Variants in ISM1 observed in about 807,000 individuals in gnomAD.
ISM1 encodes isthmin-1.
In ISM1, 25 loss-of-function variants were observed where a neutral mutation model predicts 46.3. The ratio of observed to expected loss-of-function variants is 0.54; its 90% CI spans 0.39 to 0.75. The LOEUF (loss-of-function observed/expected upper bound fraction) is 0.75. ISM1 is among the 30% of genes least tolerant of loss of function. The pLI, the probability that ISM1 is intolerant of heterozygous loss-of-function variation, is 0.00. For synonymous variants in ISM1, 255 were observed against 256.7 expected (o/e 0.99, Z 0.06); for missense variants, 536 against 625.4 (o/e 0.86, Z 1.52).
chr20:13,316,940 T>C, the ISM1 span, among the ~76,000 whole-genome samples: 1 of 150,294 alleles, frequency 6.7e-6, no homozygotes, highest in Non-Finnish European at 1.5e-5. Context: ...TCTAATGCAA[T>C]AAGACAAGAA....
chr20:13,299,385 A>C lies in ISM1; in HGVS notation c.1321A>C (p.Asn441His). The change falls in exon 6 of 6, where the codon AAC becomes CAC. Residue 441 changes from asparagine (N) to histidine (H), a missense_variant. Asn to His is a moderately conservative substitution (Grantham distance 68). Coordinates refer to ENST00000262487, the MANE Select transcript of ISM1 (RefSeq NM_080826.2). The surrounding 1 kb of genome is among the most constrained non-coding windows in gnomAD (Gnocchi z 5.8). Reference sequence around the variant, plus strand: ...GTATAACGAGGCCCGGCCTCCCAACAACGGACAGAAGTGCACAGAGAGCCC... The same window carrying C: ...GTATAACGAGGCCCGGCCTCCCAACCACGGACAGAAGTGCACAGAGAGCCC... ...SRYNEARPPN[N>H]GQKCTESPSD... 6.2e-7 allele frequency: 1 copy of C among 1,613,480 alleles called. No individual in the cohort carries two copies. Among genetic ancestry groups the C allele is most frequent in the Non-Finnish European group, 8.5e-7 (1 of 1,179,876 alleles).
chr20:13,221,276 C>T lies in ISM1; in HGVS notation c.-501C>T, dbSNP rs1464544096. Among the ~76,000 whole-genome samples, 23 of 131,288 alleles carry T rather than the reference C, an allele frequency of 1.8e-4. No individual in the cohort carries two copies. Among genetic ancestry groups the T allele is most frequent in the Non-Finnish European group, 2.7e-4 (16 of 59,062 alleles). The allele number at this position is 131,288 out of a possible 152,430, so 86.1% of individuals were successfully genotyped here. On this transcript the variant is annotated 5_prime_UTR_variant, in exon 1 of 6. Coordinates refer to ENST00000262487, the MANE Select transcript of ISM1 (RefSeq NM_080826.2). ...TCCTCCTCCTCCTTCTCCTTCTCCT[C>T]CTCCTCCTCCCCGCGCTTCTCTGGC...
intron 1 of ISM1, among the ~76,000 whole-genome samples, chr20:13,237,624 A>G (rs1256366833): frequency 6.6e-6 from 1 of 152,182 alleles, no homozygotes; most frequent in Non-Finnish European, 1.5e-5. Flanking sequence ...TGATCTAGGC[A>G]TTGGTTGCCT....
chr20:13,250,399 T>A, intron 1 of ISM1, among the ~76,000 whole-genome samples: 1 of 152,016 alleles, frequency 6.6e-6, no homozygotes, highest in Non-Finnish European at 1.5e-5. Flanking sequence ...GACGTGAGAA[T>A]GAAGTCCTTG....
chr20:13,275,321 T>C (rs2040166248), intron 2 of ISM1, among the ~76,000 whole-genome samples: 1 of 152,198 alleles, frequency 6.6e-6, no homozygotes, highest in African/African-American at 2.4e-5. Flanking sequence ...CAGTTGTACG[T>C]GCTTCTACTT....
the ISM1 span, among the ~76,000 whole-genome samples, chr20:13,311,062 C>T: frequency 6.6e-6 from 1 of 151,994 alleles, no homozygotes; most frequent in East Asian, 1.9e-4. Flanking sequence ...GGCATGGTGG[C>T]GGGTGCCTGT....
chr20:13,280,933 T>C (rs2040232696), intron 3 of ISM1, among the ~76,000 whole-genome samples: 1 of 152,234 alleles, frequency 6.6e-6, no homozygotes, highest in South Asian at 2.1e-4. Context: ...GGCTTCACCA[T>C]CAGTGGACTT....
At chr20:13,312,961 A>G in the ISM1 span, among the ~76,000 whole-genome samples, 1 of 152,140 alleles carries the variant, frequency 6.6e-6, no homozygotes, top group South Asian at 2.1e-4. Flanking sequence ...ACACCAAAGG[A>G]GCATCTGGGT....
At chr20:13,321,883 T>C in the ISM1 span, among the ~76,000 whole-genome samples, 1 of 152,218 alleles carries the variant, frequency 6.6e-6, no homozygotes, top group Non-Finnish European at 1.5e-5. Flanking sequence ...GACTCCCTAA[T>C]TGGCTGCATG....
chr20:13,310,373 T>C, the ISM1 span, among the ~76,000 whole-genome samples: 1 of 152,170 alleles, frequency 6.6e-6, no homozygotes, highest in East Asian at 1.9e-4. Context: ...GATATCCACC[T>C]GCAGAAGAAT....
chr20:13,281,627 T>C (rs2040239009), intron 3 of ISM1, among the ~76,000 whole-genome samples: 2 of 152,306 alleles, frequency 1.3e-5, no homozygotes, highest in Middle Eastern at 3.4e-3. Flanking sequence ...TTGACCACTA[T>C]ACAATTCTGC....
the ISM1 span, among the ~76,000 whole-genome samples, chr20:13,313,363 G>A: frequency 2.6e-5 from 4 of 152,248 alleles, no homozygotes; most frequent in Non-Finnish European, 5.9e-5. Flanking sequence ...TAAACAGACT[G>A]TAGCTTACTC....
At chr20:13,232,727 A>G (rs543185931) in intron 1 of ISM1, among the ~76,000 whole-genome samples, 1 of 152,336 alleles carries the variant, frequency 6.6e-6, no homozygotes, top group African/African-American at 2.4e-5. Context: ...GCACTCACAT[A>G]AAGTGTTTAG....
chr20:13,262,179 A>G (rs958379884), intron 1 of ISM1, among the ~76,000 whole-genome samples: 1 of 152,036 alleles, frequency 6.6e-6, no homozygotes, highest in African/African-American at 2.4e-5. Context: ...CTCATTAAAT[A>G]TTTGCTCAAA....
At position 13,279,796 on chromosome 20, in the gene ISM1, G is replaced by C. The variant is rs766901341; in HGVS notation, c.541G>C (p.Asp181His). 1.2e-6 allele frequency: 2 copies of C among 1,613,916 alleles called. No homozygotes were observed. Among genetic ancestry groups the C allele is most frequent in the East Asian group, 2.2e-5 (1 of 44,896 alleles). ...CAGCGGGGACCAGGACTACAAGTAC[G>C]ACAGTACCTCAGACGACAGCAACTT... ...ANSGDQDYKY[D>H]STSDDSNFLN... Residue 181 changes from aspartate to histidine, a missense_variant, in exon 3 of 6, where the codon GAC becomes CAC. This residue lies in a region of ISM1 where 367 missense variants were observed against 376.1 expected (regional missense o/e 0.98). Coordinates refer to ENST00000262487, the MANE Select transcript of ISM1 (RefSeq NM_080826.2).
At chr20:13,303,691 A>G (rs76748249), downstream of ISM1, among the ~76,000 whole-genome samples, 86 of 152,336 alleles carry the variant, frequency 5.6e-4, no homozygotes, top group East Asian at 0.016. Flanking sequence ...AAGTTAATAC[A>G]TTGGCATTTA....
chr20:13,287,269 C>G (rs1466421054), intron 3 of ISM1, among the ~76,000 whole-genome samples: 2 of 152,178 alleles, frequency 1.3e-5, no homozygotes, highest in African/African-American at 4.8e-5. Flanking sequence ...GGACATCTTA[C>G]ATGGTGTCAG....
intron 3 of ISM1, among the ~76,000 whole-genome samples, chr20:13,284,225 A>G (rs1031064580): frequency 1.3e-5 from 2 of 152,214 alleles, no homozygotes; most frequent in African/African-American, 4.8e-5. Context: ...ACTAGTGGCC[A>G]AGTCAAGACC....
chr20:13,234,530 A>G (rs1197160149), intron 1 of ISM1, among the ~76,000 whole-genome samples: 2 of 152,192 alleles, frequency 1.3e-5, no homozygotes, highest in African/African-American at 4.8e-5. Flanking sequence ...AAATCTCCAT[A>G]CTGTTTTCTA....
Sources: allele counts gnomAD v4.1 joint callset (sites outside exome capture counted in the v4.1 genomes callset), GRCh38; gene constraint gnomAD v4.1.1; regional missense constraint gnomAD v4.1.1; non-coding constraint Gnocchi (gnomAD v3.1); transcripts MANE v1.5; gene names NCBI Gene and HGNC (gene_info 2026-07-23, HGNC 2026-07-21).